LRRC28: variants seen among roughly 807,000 people sequenced by gnomAD.
The protein encoded by LRRC28 is leucine-rich repeat-containing protein 28.
A neutral mutation model predicts 45.7 loss-of-function variants in LRRC28; 39 were observed. The ratio of observed to expected loss-of-function variants is 0.85; its 90% CI spans 0.66 to 1.12. The LOEUF is 1.12. Among genes scored for constraint, LRRC28 ranks in the 50% most tolerant of loss-of-function variants. The pLI, the probability that LRRC28 is intolerant of heterozygous loss-of-function variation, is 0.00. For synonymous variants in LRRC28, 206 were observed against 178.8 expected (o/e 1.15, Z -1.22); for missense variants, 435 against 438.5 (o/e 0.99, Z 0.07).
At chr15:99,340,729 A>G (rs1275171490) in intron 6 of LRRC28, among the ~76,000 whole-genome samples, 1 of 152,220 alleles carries the variant, frequency 6.6e-6, no homozygotes, top group East Asian at 1.9e-4. Context: ...TCTGTGTTTG[A>G]GTAGAAGGTA....
At chr15:99,346,624 C>G (rs949623855) in intron 6 of LRRC28, among the ~76,000 whole-genome samples, 6 of 151,852 alleles carry the variant, frequency 4.0e-5, no homozygotes, top group Non-Finnish European at 7.4e-5. Context: ...CATTAAAGTA[C>G]TTGAAAAAAT....
At chr15:99,326,887 G>A (rs774565266) in intron 5 of LRRC28, among the ~76,000 whole-genome samples, 15 of 152,116 alleles carry the variant, frequency 9.9e-5, no homozygotes, top group Non-Finnish European at 2.1e-4. Flanking sequence ...TAGTATCAGG[G>A]TAATGTTCAT....
intron 7 of LRRC28, among the ~76,000 whole-genome samples, chr15:99,357,480 G>A (rs1334415105): frequency 6.6e-6 from 1 of 152,138 alleles, no homozygotes; most frequent in East Asian, 1.9e-4. Context: ...AAAGAAACCA[G>A]GCACAGCAAC....
At chr15:99,377,540 A>G (rs570634080) in intron 9 of LRRC28, among the ~76,000 whole-genome samples, 206 of 152,238 alleles carry the variant, frequency 1.4e-3, no homozygotes, top group African/African-American at 4.0e-3. Context: ...GAAGCTCTTT[A>G]GTTTAAATAG....
intron 5 of LRRC28, among the ~76,000 whole-genome samples, chr15:99,313,597 C>G (rs1955492109): frequency 6.6e-6 from 1 of 152,208 alleles, no homozygotes; most frequent in African/African-American, 2.4e-5. Context: ...GAATTACCAT[C>G]TGATAATCAT....
At chr15:99,384,608 A>G (rs1957927689) in intron 9 of LRRC28, 2 of 152,194 alleles carry the variant, frequency 1.3e-5, no homozygotes, top group Admixed American at 1.3e-4. Context: ...AGCACAGTCA[A>G]AAGAAGCCAT....
At chr15:99,289,096 G>A (rs571312248) in intron 5 of LRRC28, among the ~76,000 whole-genome samples, 1 of 152,250 alleles carries the variant, frequency 6.6e-6, no homozygotes, top group East Asian at 1.9e-4. Flanking sequence ...TTATGAATGT[G>A]CCTTATAGAT....
Position 99,319,021 on chromosome 15 carries a change from G to A in LRRC28, c.386-14902G>A, listed in dbSNP as rs551923380. Among the ~76,000 whole-genome samples, 9 of 152,258 alleles carry A rather than the reference G, an allele frequency of 5.9e-5. No individual in the cohort carries two copies. The South Asian group carries it at 1.7e-3, about 28-fold the overall frequency. On this transcript the variant is annotated intron_variant, in intron 5 of 9. Transcript: ENST00000301981. The stretch of plus-strand genomic sequence containing the variant: ...TTTCTTCCTGTTTTGAATTTGGAAA[G>A]TGAGATGAAAGCAGTCATCATTATT...
chr15:99,336,934 G>A (rs138265774), intron 6 of LRRC28, among the ~76,000 whole-genome samples: 23 of 152,186 alleles, frequency 1.5e-4, no homozygotes, highest in African/African-American at 5.1e-4. Flanking sequence ...GCTACATTGA[G>A]CCTGCCAGAG....
At chr15:99,258,480 AACTGTT>A in intron 2 of LRRC28, 1 of 781,604 alleles carries the variant, frequency 1.3e-6, no homozygotes, top group South Asian at 1.4e-5. Flanking sequence ...GCAAGACTGA[AACTGTT>A]AAGGAGCCAT....
chr15:99,363,408 A>T, intron 9 of LRRC28, 143 bp downstream of exon 9: 1 of 822,804 alleles, frequency 1.2e-6, no homozygotes, highest in South Asian at 2.0e-5. Flanking sequence ...AAATGAAACG[A>T]TGCTCACTTT....
intron 1 of LRRC28, 37 bp from the exon 2 acceptor site, chr15:99,255,861 A>T: frequency 7.3e-7 from 1 of 1,375,716 alleles, no homozygotes; most frequent in Non-Finnish European, 9.8e-7. Context: ...CTTGTAAAAA[A>T]TCTTACAATG....
At chr15:99,264,409 A>G (rs558920055) in intron 2 of LRRC28, among the ~76,000 whole-genome samples, 1 of 152,290 alleles carries the variant, frequency 6.6e-6, no homozygotes, top group South Asian at 2.1e-4. Context: ...GGAACTTGGA[A>G]CTAGAGAATA....
intron 6 of LRRC28, among the ~76,000 whole-genome samples, chr15:99,344,296 C>T (rs1474471939): frequency 6.6e-6 from 1 of 152,158 alleles, no homozygotes; most frequent in Non-Finnish European, 1.5e-5. Flanking sequence ...CATTTCCCTT[C>T]ATGTCAGGAA....
At chr15:99,330,164 C>T (rs1349282233) in intron 5 of LRRC28, among the ~76,000 whole-genome samples, 1 of 152,008 alleles carries the variant, frequency 6.6e-6, no homozygotes, top group Non-Finnish European at 1.5e-5. Flanking sequence ...TCAAATTTTA[C>T]ACTTTATTGA....
chr15:99,313,302 C>T (rs1955480030), intron 5 of LRRC28, among the ~76,000 whole-genome samples: 1 of 151,996 alleles, frequency 6.6e-6, no homozygotes, highest in Non-Finnish European at 1.5e-5. Context: ...TGACATCTGG[C>T]TCACACCTGG....
At position 99,387,643 on chromosome 15, in the gene LRRC28, G is replaced by C. The variant is rs1166079392; in HGVS notation, c.*1541G>C. ...TTTCAAAGGATGGCATTTTAATGTT[G>C]CTTTGCTGCCAGATGTTCATCTGCT... On this transcript the variant is annotated 3_prime_UTR_variant, in exon 10 of 10. Coordinates refer to ENST00000301981, the MANE Select transcript of LRRC28 (RefSeq NM_144598.5). The C allele has an allele frequency of 6.6e-6, 1 of 152,138 alleles. No homozygotes were observed. The allele number at this position is 152,138 out of a possible 1,614,324, so 9.4% of individuals were successfully genotyped here.
At chr15:99,292,520 G>A (rs1279721867) in intron 5 of LRRC28, among the ~76,000 whole-genome samples, 6 of 151,330 alleles carry the variant, frequency 4.0e-5, no homozygotes, top group South Asian at 4.2e-4. Flanking sequence ...GCCCGCCACC[G>A]CGCCCGGCTA....
chr15:99,278,405 G>A (rs1183364861), intron 3 of LRRC28, among the ~76,000 whole-genome samples: 3 of 152,074 alleles, frequency 2.0e-5, no homozygotes, highest in African/African-American at 7.2e-5. Context: ...CCGCCACCAC[G>A]CCTGGCTAAT....
Sources: gnomAD v4.1 joint callset for allele counts (sites outside exome capture counted in the v4.1 genomes callset) on GRCh38, gnomAD v4.1.1 for gene constraint, MANE v1.5 for transcripts, NCBI Gene and HGNC (gene_info 2026-07-23, HGNC 2026-07-21) for gene names.